VPS41: variants seen among roughly 807,000 people sequenced by gnomAD.
The protein encoded by VPS41 is vacuolar protein sorting-associated protein 41 homolog.
VPS41 carries 85 observed loss-of-function variants against 130.9 expected under a neutral mutation model. The ratio of observed to expected loss-of-function variants is 0.65; its 90% CI spans 0.55 to 0.78. The LOEUF is 0.78. Among genes scored for constraint, VPS41 ranks in the 30% least tolerant of loss-of-function variants. VPS41 has a pLI of 0.00. For missense variants in VPS41, 874 were observed against 1,018.7 expected (o/e 0.86, Z 1.93); for synonymous variants, 335 against 332.9 (o/e 1.01, Z -0.07).
intron 2 of VPS41, among the ~76,000 whole-genome samples, chr7:38,875,205 A>G (rs10266891): frequency 0.32 from 48,772 of 152,094 alleles, 8,344 homozygotes; most frequent in Admixed American, 0.5. Flanking sequence ...AAAAGGCAAC[A>G]TACACAGGAG....
At chr7:38,850,740 A>T (rs930483906) in intron 4 of VPS41, among the ~76,000 whole-genome samples, 1 of 152,182 alleles carries the variant, frequency 6.6e-6, no homozygotes, top group Admixed American at 6.5e-5. Context: ...AAATCAATTT[A>T]GAACTTTACA....
intron 4 of VPS41, among the ~76,000 whole-genome samples, chr7:38,843,609 G>A (rs1463030810): frequency 2.0e-5 from 3 of 151,994 alleles, no homozygotes; most frequent in Non-Finnish European, 2.9e-5. Flanking sequence ...ACGAACCCGG[G>A]AGGCGGAGCT....
At position 38,723,675 on chromosome 7, in the gene VPS41, GA is replaced by G. The variant is rs1795480282; in HGVS notation, c.*2570del. 8.4e-6 allele frequency: 1 copy of G among 118,640 alleles called. No individual in the cohort carries two copies. The highest frequency in any genetic ancestry group is 1.3e-4 in the Admixed American group (1 of 7,978). 7.3% of individuals were successfully genotyped at this position (118,640 alleles called of 1,614,324 possible). ...GGAGGCGGAGGTTGCAGTGAGCCAA[GA>G]TCATGTCACTGCACTCCAGCCAAGG... On this transcript the variant is annotated 3_prime_UTR_variant, in exon 29 of 29. Transcript: ENST00000310301.
chr7:38,796,693 C>T lies in VPS41; in HGVS notation c.570+52G>A. The T allele has an allele frequency of 3.7e-6, 6 of 1,611,180 alleles. No individual in the cohort carries two copies. The Admixed American group carries it at 8.3e-5, about 22-fold the overall frequency. The stretch of plus-strand genomic sequence containing the variant: ...CTTCATTACAGCCCTATCAAGTTGG[C>T]CATTCTTCTGCCACTGAACAAGCAT... On this transcript the variant is annotated intron_variant, in intron 8 of 28. Coordinates refer to ENST00000310301, the MANE Select transcript of VPS41 (RefSeq NM_014396.4).
At position 38,823,485 on chromosome 7, in the gene VPS41, T is replaced by C. The variant is rs190862069; in HGVS notation, c.322-2220A>G. On this transcript the variant is annotated intron_variant, in intron 5 of 28. Transcript: ENST00000310301. ...CACAAATGGACTAAGATAGTTTCTT[T>C]GTGAAAAGGTTTCCAATTATAAATT... 2.4e-3 allele frequency among the ~76,000 whole-genome samples: 367 copies of C among 152,330 alleles called. 2 individuals are homozygous for C. The highest frequency in any genetic ancestry group is 8.1e-3 in the African/African-American group (335 of 41,572).
intron 22 of VPS41, among the ~76,000 whole-genome samples, chr7:38,750,749 T>C (rs1451737593): frequency 6.6e-6 from 1 of 152,136 alleles, no homozygotes; most frequent in Non-Finnish European, 1.5e-5. Context: ...GTGAGAGATA[T>C]AGAGATACTG....
chr7:38,789,300 T>C (rs984823548), intron 10 of VPS41, among the ~76,000 whole-genome samples: 3 of 151,998 alleles, frequency 2.0e-5, no homozygotes, highest in Non-Finnish European at 4.4e-5. Flanking sequence ...TGACAAGTGC[T>C]AGAAAGGGGA....
intron 9 of VPS41, among the ~76,000 whole-genome samples, chr7:38,793,641 G>A (rs931561347): frequency 2.6e-5 from 4 of 152,020 alleles, no homozygotes; most frequent in South Asian, 2.1e-4. Context: ...TTACAGTTCC[G>A]CAGGCTACAA....
chr7:38,904,910 G>C (rs1463734694), intron 1 of VPS41, among the ~76,000 whole-genome samples: 1 of 152,162 alleles, frequency 6.6e-6, no homozygotes, highest in Non-Finnish European at 1.5e-5. Context: ...CAGGGTCCAG[G>C]TTGGTTGATT....
intron 17 of VPS41, among the ~76,000 whole-genome samples, chr7:38,761,249 C>T (rs1783907126): frequency 7.7e-6 from 1 of 129,054 alleles, no homozygotes; most frequent in African/African-American, 2.8e-5. Context: ...GTTTTTCTCT[C>T]TCTCTCTTCC....
intron 4 of VPS41, among the ~76,000 whole-genome samples, chr7:38,830,818 C>T (rs1785372776): frequency 6.6e-6 from 1 of 152,168 alleles, no homozygotes. Flanking sequence ...GAAAAATCAG[C>T]TAGCTCCTTA....
intron 16 of VPS41, among the ~76,000 whole-genome samples, chr7:38,764,400 G>A (rs1783987471): frequency 6.6e-6 from 1 of 152,202 alleles, no homozygotes; most frequent in Admixed American, 6.5e-5. Context: ...TGAGGCTGGA[G>A]AGGAAGGGGA....
chr7:38,829,938 T>C (rs535573038), intron 5 of VPS41, among the ~76,000 whole-genome samples: 2 of 152,350 alleles, frequency 1.3e-5, no homozygotes, highest in Admixed American at 6.5e-5. Flanking sequence ...ATTAAACTAC[T>C]GTCTTGCAGG....
intron 7 of VPS41, among the ~76,000 whole-genome samples, chr7:38,805,073 C>T (rs1328796740): frequency 1.3e-5 from 2 of 152,190 alleles, no homozygotes; most frequent in South Asian, 4.1e-4. Context: ...CTGCAATGAA[C>T]AAATATCTCT....
intron 2 of VPS41, among the ~76,000 whole-genome samples, chr7:38,870,124 G>C (rs571805892): frequency 2.6e-4 from 40 of 152,274 alleles, no homozygotes; most frequent in African/African-American, 7.9e-4. Context: ...CCACTGCCGG[G>C]GGTAGGGAAA....
chr7:38,796,104 C>G (rs1784612812), intron 8 of VPS41, among the ~76,000 whole-genome samples: 1 of 152,122 alleles, frequency 6.6e-6, no homozygotes, highest in South Asian at 2.1e-4. Flanking sequence ...CATCGTGACC[C>G]AGGAGAAGTA....
chr7:38,869,349 C>A (rs1786296723), intron 2 of VPS41, 96 bp from the exon 3 acceptor site: 2 of 767,110 alleles, frequency 2.6e-6, no homozygotes, highest in Admixed American at 5.0e-5. Flanking sequence ...GAGATGGTTC[C>A]TTCAATGATG....
chr7:38,836,114 T>G (rs974599099), intron 4 of VPS41, among the ~76,000 whole-genome samples: 1 of 152,054 alleles, frequency 6.6e-6, no homozygotes, highest in Non-Finnish European at 1.5e-5. Flanking sequence ...TCTGATCCAT[T>G]TAGCATTGGC....
chr7:38,743,421 T>C lies in VPS41; in HGVS notation c.2103A>G (p.Leu701=). 1 of 1,613,930 alleles carries C rather than the reference T, an allele frequency of 6.2e-7. No individual in the cohort carries two copies. The highest frequency in any genetic ancestry group is 1.1e-5 in the South Asian group (1 of 91,064). The part of the protein sequence containing the change: ...DDGELWEDLI[L]YSIDKPPFIT... ...GCTTACGTGGTTTGTCAATGGAATA[T>C]AAAATCAAATCTTCCCACAGCTCTC... Residue 701 remains leucine (L), a synonymous_variant, in exon 24 of 29, where the codon TTA becomes TTG. Transcript: ENST00000310301.
Sources: allele counts gnomAD v4.1 joint callset (sites outside exome capture counted in the v4.1 genomes callset), GRCh38; gene constraint gnomAD v4.1.1; transcripts MANE v1.5; gene names NCBI Gene and HGNC (gene_info 2026-07-23, HGNC 2026-07-21).